Variants in NELL2 observed in about 807,000 individuals in gnomAD.
The protein encoded by NELL2 is neural EGFL like 2, also known as protein kinase C-binding protein NELL2.
A neutral mutation model predicts 109.6 loss-of-function variants in NELL2; 41 were observed. The observed-to-expected ratio is 0.37, with a 90% CI of 0.29 to 0.49. The LOEUF (loss-of-function observed/expected upper bound fraction) is 0.49, where lower values mean the gene tolerates loss of function less well. Ranked by LOEUF, NELL2 falls within the 20% of genes least tolerant of loss-of-function variation. The pLI, the probability that NELL2 is intolerant of heterozygous loss-of-function variation, is 0.98. For synonymous variants in NELL2, 355 were observed against 344.7 expected (o/e 1.03, Z -0.33); for missense variants, 900 against 1,008.3 (o/e 0.89, Z 1.45).
intron 14 of NELL2, 86 bp downstream of exon 14, chr12:44,610,762 A>C: frequency 1.3e-6 from 2 of 1,563,816 alleles, no homozygotes; most frequent in Admixed American, 1.7e-5. Context: ...TGGAATGTAC[A>C]TAACAGTAAT....
intron 9 of NELL2, among the ~76,000 whole-genome samples, chr12:44,769,965 G>A (rs540323508): frequency 7.9e-5 from 12 of 152,140 alleles, no homozygotes; most frequent in African/African-American, 2.9e-4. Context: ...ATTAAGATAC[G>A]CCCACAATAT....
At chr12:44,832,392 A>T (rs916110075) in intron 2 of NELL2, among the ~76,000 whole-genome samples, 5 of 152,250 alleles carry the variant, frequency 3.3e-5, no homozygotes, top group Non-Finnish European at 5.9e-5. Flanking sequence ...ACTAGTTTTC[A>T]TCACTGGTGT....
At chr12:44,555,929 A>T (rs1248613590) in intron 15 of NELL2, among the ~76,000 whole-genome samples, 1 of 152,168 alleles carries the variant, frequency 6.6e-6, no homozygotes, top group Non-Finnish European at 1.5e-5. Flanking sequence ...AAAGCTATGA[A>T]GGCTCACAGG....
chr12:44,598,308 C>A (rs1455735224), intron 15 of NELL2, among the ~76,000 whole-genome samples: 5 of 151,764 alleles, frequency 3.3e-5, no homozygotes, highest in African/African-American at 1.2e-4. Context: ...GCAATAGACA[C>A]TGACCATAGA....
intron 13 of NELL2, among the ~76,000 whole-genome samples, chr12:44,661,928 A>G (rs1425578765): frequency 7.0e-6 from 1 of 143,552 alleles, no homozygotes; most frequent in African/African-American, 2.6e-5. Context: ...CCTTTCCTTT[A>G]TCTTTTCTCC....
At chr12:44,646,535 A>G (rs1454325193) in intron 13 of NELL2, among the ~76,000 whole-genome samples, 1 of 152,262 alleles carries the variant, frequency 6.6e-6, no homozygotes, top group East Asian at 1.9e-4. Context: ...ATAATGAAAT[A>G]GAACACTTAT....
chr12:44,741,411 C>T (rs139518813), intron 9 of NELL2, among the ~76,000 whole-genome samples: 4,313 of 152,278 alleles, frequency 0.028, 97 homozygotes, highest in Admixed American at 0.045. Flanking sequence ...GCATTTCCAA[C>T]TGAAGTACCG....
At chr12:44,701,505 C>T (rs925244983) in intron 12 of NELL2, among the ~76,000 whole-genome samples, 1 of 152,054 alleles carries the variant, frequency 6.6e-6, no homozygotes, top group African/African-American at 2.4e-5. Context: ...TTTCAGTAAG[C>T]TGCATTAAAC....
At chr12:44,851,116 C>G (rs1231338275) in intron 2 of NELL2, among the ~76,000 whole-genome samples, 1 of 152,002 alleles carries the variant, frequency 6.6e-6, no homozygotes, top group Non-Finnish European at 1.5e-5. Context: ...CAACACTTAC[C>G]TTTTTGTTCG....
chr12:44,848,213 T>C (rs1422830276), intron 2 of NELL2, among the ~76,000 whole-genome samples: 1 of 152,000 alleles, frequency 6.6e-6, no homozygotes, highest in Non-Finnish European at 1.5e-5. Flanking sequence ...GTCCCAATGT[T>C]TGGCTGGGGA....
chr12:44,876,377 G>T, upstream of NELL2: 1 of 1,235,734 alleles, frequency 8.1e-7, no homozygotes, highest in Non-Finnish European at 1.0e-6. Context: ...GGCGGGCCGG[G>T]GGAGGCGGGG....
intron 2 of NELL2, among the ~76,000 whole-genome samples, chr12:44,864,228 T>C (rs1290524889): frequency 1.3e-5 from 2 of 152,138 alleles, no homozygotes; most frequent in African/African-American, 4.8e-5. Context: ...ATAGTTACCC[T>C]GAAAGCAAAT....
intron 15 of NELL2, among the ~76,000 whole-genome samples, chr12:44,606,339 T>C (rs1945399836): frequency 6.6e-6 from 1 of 152,156 alleles, no homozygotes; most frequent in Non-Finnish European, 1.5e-5. Context: ...ACTGTATCTA[T>C]TGCATTGAGA....
chr12:44,701,059 T>G (rs1949212519), intron 12 of NELL2, among the ~76,000 whole-genome samples: 1 of 152,218 alleles, frequency 6.6e-6, no homozygotes, highest in Non-Finnish European at 1.5e-5. Flanking sequence ...CAAGTGTAAT[T>G]TATTTAAGGA....
chr12:44,790,422 A>G (rs1942338256), intron 3 of NELL2, among the ~76,000 whole-genome samples: 1 of 152,176 alleles, frequency 6.6e-6, no homozygotes, highest in East Asian at 1.9e-4. Flanking sequence ...AGACCAAGAA[A>G]TGCTGAGAGA....
intron 13 of NELL2, among the ~76,000 whole-genome samples, chr12:44,630,348 T>C (rs1390357759): frequency 2.6e-5 from 4 of 152,196 alleles, no homozygotes; most frequent in African/African-American, 9.6e-5. Flanking sequence ...AAAAATTTCT[T>C]CAAAGAATTT....
At chr12:44,575,244 G>A (rs552293633) in intron 15 of NELL2, among the ~76,000 whole-genome samples, 125 of 152,196 alleles carry the variant, frequency 8.2e-4, no homozygotes, top group Non-Finnish European at 1.6e-3. Flanking sequence ...CATTCTATTA[G>A]CTGCTATACT....
chr12:44,774,632 C>G, intron 9 of NELL2, 115 bp downstream of exon 9: 2 of 794,976 alleles, frequency 2.5e-6, no homozygotes, highest in Non-Finnish European at 4.2e-6. Context: ...TCCTTTATTC[C>G]ATCACTTCTG....
At chr12:44,797,491 G>C (rs1376639124) in intron 3 of NELL2, among the ~76,000 whole-genome samples, 1 of 151,950 alleles carries the variant, frequency 6.6e-6, no homozygotes, top group African/African-American at 2.4e-5. Flanking sequence ...AAGTATTTCT[G>C]AATAATAGGA....
Sources: allele counts gnomAD v4.1 joint callset (sites outside exome capture counted in the v4.1 genomes callset), GRCh38; gene constraint gnomAD v4.1.1; transcripts MANE v1.5; gene names NCBI Gene and HGNC (gene_info 2026-07-23, HGNC 2026-07-21).